Variants in CACNA1B observed in about 807,000 individuals in gnomAD.
CACNA1B encodes the protein voltage-dependent N-type calcium channel subunit alpha-1B.
In CACNA1B, 70 loss-of-function variants were observed where a neutral mutation model predicts 247.2. The ratio of observed to expected loss-of-function variants is 0.28; its 90% CI spans 0.23 to 0.35. The LOEUF (loss-of-function observed/expected upper bound fraction) is 0.35. Among genes scored for constraint, CACNA1B ranks in the 10% least tolerant of loss-of-function variants. The pLI is 1.00. For missense variants in CACNA1B, 2,367 were observed against 3,197.4 expected (o/e 0.74, Z 6.26); for synonymous variants, 1,231 against 1,294.4 (o/e 0.95, Z 1.05).
Position 137,913,804 on chromosome 9 carries a change from C to A in CACNA1B, c.622+533C>A, listed in dbSNP as rs1018634329. ...CACCTGGACCCCTATTCCTTCAGCC[C>A]AGTGGAAGTCTGGTTTTAGGTTTAC... On this transcript the variant is annotated intron_variant, in intron 4 of 46. Coordinates refer to ENST00000371372, the MANE Select transcript of CACNA1B (RefSeq NM_000718.4). The surrounding 1 kb of genome is among the most constrained non-coding windows in gnomAD (Gnocchi z 5.2). Among the ~76,000 whole-genome samples the A allele has an allele frequency of 6.6e-6, 1 of 152,152 alleles. No individual in the cohort carries two copies. The highest frequency in any genetic ancestry group is 6.5e-5 in the Admixed American group (1 of 15,272).
chr9:137,895,334 C>T (rs186145516), intron 3 of CACNA1B, among the ~76,000 whole-genome samples: 4 of 152,192 alleles, frequency 2.6e-5, no homozygotes, highest in Admixed American at 2.6e-4. Flanking sequence ...GGTACTTTGC[C>T]TTTCATATAC....
rs1032248261 is a variant in CACNA1B at position 137,891,404 on chromosome 9, G to A, written c.530+8521G>A. The A allele has an allele frequency of 5.2e-5, 8 of 153,476 alleles. No homozygotes were observed. Among genetic ancestry groups the A allele is most frequent in the African/African-American group, 1.7e-4 (7 of 41,462 alleles). 9.5% of individuals were successfully genotyped at this position (153,476 alleles called of 1,614,324 possible). On this transcript the variant is annotated intron_variant, in intron 3 of 46. Transcript: ENST00000371372. The surrounding 1 kb of genome is among the most constrained non-coding windows in gnomAD (Gnocchi z 4.3). ...GCCTCCGGTCCAGGCTCGGGCTCCA[G>A]GTGCTCACTGGGGCTGCTGTGTTCC...
At chr9:138,108,308 CAAAAAAAAAAA>C (rs935431476) in intron 39 of CACNA1B, among the ~76,000 whole-genome samples, 1 of 44,092 alleles carries the variant, frequency 2.3e-5, no homozygotes, top group Non-Finnish European at 4.8e-5. Flanking sequence ...AACCCCATCT[CAAAAAAAAAAA>C]AAAAAAAAAA....
At chr9:138,114,125 G>C (rs923662007) in intron 40 of CACNA1B, among the ~76,000 whole-genome samples, 1 of 152,146 alleles carries the variant, frequency 6.6e-6, no homozygotes, top group Non-Finnish European at 1.5e-5. Flanking sequence ...GCCTCAGCCC[G>C]GTCTTGAGAG....
At chr9:138,001,645 T>A (rs1958579278) in intron 15 of CACNA1B, among the ~76,000 whole-genome samples, 1 of 152,058 alleles carries the variant, frequency 6.6e-6, no homozygotes, top group Non-Finnish European at 1.5e-5. Flanking sequence ...TATTTGCAAA[T>A]GTGATTATTT....
intron 20 of CACNA1B, among the ~76,000 whole-genome samples, chr9:138,039,961 C>A (rs1488401555): frequency 6.6e-6 from 1 of 152,116 alleles, no homozygotes; most frequent in Admixed American, 6.5e-5. Context: ...TTAGTGGGGA[C>A]AAATGCAGTT....
At chr9:137,969,756 G>A (rs537809560) in intron 10 of CACNA1B, among the ~76,000 whole-genome samples, 1 of 152,314 alleles carries the variant, frequency 6.6e-6, no homozygotes, top group East Asian at 1.9e-4. Flanking sequence ...TGTGACTCCT[G>A]TGTTCCTGCA....
At chr9:138,095,445 T>G (rs1961023597) in intron 36 of CACNA1B, among the ~76,000 whole-genome samples, 1 of 152,206 alleles carries the variant, frequency 6.6e-6, no homozygotes. Flanking sequence ...ATAACAATAA[T>G]TTTTCTAAAA....
intron 20 of CACNA1B, among the ~76,000 whole-genome samples, chr9:138,042,306 T>C (rs977820817): frequency 1.3e-5 from 2 of 152,106 alleles, no homozygotes; most frequent in Non-Finnish European, 2.9e-5. Flanking sequence ...AAAAATTAGC[T>C]GGGTGTGTTG....
intron 6 of CACNA1B, among the ~76,000 whole-genome samples, chr9:137,938,741 C>T (rs1957697729): frequency 6.6e-6 from 1 of 152,128 alleles, no homozygotes; most frequent in African/African-American, 2.4e-5. Flanking sequence ...AACACTGGAG[C>T]TCCCACATTT....
At chr9:137,922,610 C>G (rs892184822) in intron 6 of CACNA1B, among the ~76,000 whole-genome samples, 2 of 151,990 alleles carry the variant, frequency 1.3e-5, no homozygotes, top group African/African-American at 4.8e-5. Flanking sequence ...GGGTGGCAAC[C>G]GCAGATGACT....
chr9:137,914,879 T>G lies in CACNA1B; in HGVS notation c.775+73T>G. On this transcript the variant is annotated intron_variant, in intron 5 of 46. Transcript: ENST00000371372. The surrounding 1 kb of genome is among the most constrained non-coding windows in gnomAD (Gnocchi z 4.3). ...TTCATCCAGGAGATGGGCACTGTTCTAGGTGCTAGAGGGGCCTTCTTGGTG... is the reference window on the plus strand; with the variant it reads ...TTCATCCAGGAGATGGGCACTGTTCGAGGTGCTAGAGGGGCCTTCTTGGTG... The G allele has an allele frequency of 6.5e-7, 1 of 1,548,142 alleles. No homozygotes were observed.
At chr9:138,117,558 T>C (rs1961916948) in intron 42 of CACNA1B, among the ~76,000 whole-genome samples, 2 of 152,204 alleles carry the variant, frequency 1.3e-5, no homozygotes, top group Admixed American at 1.3e-4. Flanking sequence ...GATAGTCCTG[T>C]GTGGCAAGGA....
chr9:138,042,049 G>A (rs1055011956), intron 20 of CACNA1B, among the ~76,000 whole-genome samples: 1 of 152,174 alleles, frequency 6.6e-6, no homozygotes, highest in Non-Finnish European at 1.5e-5. Flanking sequence ...GGGATTACAG[G>A]CATGAGCCAC....
intron 36 of CACNA1B, among the ~76,000 whole-genome samples, chr9:138,079,051 A>C (rs79868998): frequency 0.02 from 3,072 of 152,294 alleles, 115 homozygotes; most frequent in African/African-American, 0.07. Context: ...GTGGGGCTGC[A>C]TGCTATTTGC....
At chr9:137,930,672 A>G (rs954093894) in intron 6 of CACNA1B, among the ~76,000 whole-genome samples, 32 of 152,296 alleles carry the variant, frequency 2.1e-4, no homozygotes, top group African/African-American at 7.2e-4. Flanking sequence ...CAAATTGTTA[A>G]GAGAGAGGTG....
At chr9:137,960,051 C>G (rs891965893) in intron 10 of CACNA1B, among the ~76,000 whole-genome samples, 6 of 150,882 alleles carry the variant, frequency 4.0e-5, no homozygotes, top group African/African-American at 1.5e-4. Flanking sequence ...CTGAGGGACG[C>G]CGGGGCGGGG....
rs397937457 is a variant in CACNA1B at position 138,121,435 on chromosome 9, T to TA, written c.6490-33dup. ...GGTTCGGCTTTTTTTTTTTTTTTTT[T>TA]ACCTCTGATTTGTTCTGGTCCATTT... On this transcript the variant is annotated intron_variant, in intron 46 of 46. Transcript: ENST00000371372. The surrounding 1 kb of genome is among the most constrained non-coding windows in gnomAD (Gnocchi z 6.8). The TA allele has an allele frequency of 4.0e-6, 5 of 1,249,678 alleles. No individual in the cohort carries two copies. Among genetic ancestry groups the TA allele is most frequent in the Non-Finnish European group, 5.4e-6 (5 of 932,252 alleles). The allele number at this position is 1,249,678 out of a possible 1,614,324, so 77.4% of individuals were successfully genotyped here. A position where few individuals can be genotyped will look rare whatever the true frequency, so the allele number is the denominator to read the frequency against.
chr9:138,109,836 C>G (rs1961561800), intron 39 of CACNA1B, among the ~76,000 whole-genome samples: 1 of 152,082 alleles, frequency 6.6e-6, no homozygotes, highest in African/African-American at 2.4e-5. Flanking sequence ...TTTGGGAGGC[C>G]AAAGCAGGCG....
Sources: gnomAD v4.1 joint callset for allele counts (sites outside exome capture counted in the v4.1 genomes callset) on GRCh38, gnomAD v4.1.1 for gene constraint, Gnocchi (gnomAD v3.1) non-coding constraint, MANE v1.5 for transcripts, NCBI Gene and HGNC (gene_info 2026-07-23, HGNC 2026-07-21) for gene names.